Variants in PSMG4 observed in about 807,000 individuals in gnomAD.
The protein encoded by PSMG4 is proteasome assembly chaperone 4.
A neutral mutation model predicts 11.0 loss-of-function variants in PSMG4; 10 were observed. The ratio of observed to expected loss-of-function variants is 0.91; its 90% CI spans 0.56 to 1.54. PSMG4 has a LOEUF of 1.54. PSMG4 is among the 40% of genes most tolerant of loss of function. The pLI, the probability that PSMG4 is intolerant of heterozygous loss-of-function variation, is 0.00. For missense variants in PSMG4, 198 were observed against 160.9 expected, an observed-to-expected ratio of 1.23 and a Z score of -1.25; for synonymous variants, 95 against 71.3, an observed-to-expected ratio of 1.33 and a Z score of -1.68.
chr6:3,256,108 G>T (rs1004059255), upstream of PSMG4, among the ~76,000 whole-genome samples: 1 of 152,126 alleles, frequency 6.6e-6, no homozygotes, highest in Admixed American at 6.5e-5. Context: ...GCTCCTGAAG[G>T]GTGGCACAAA....
At chr6:3,266,051 G>A (rs1758169523) in intron 2 of PSMG4, 1 of 151,982 alleles carries the variant, frequency 6.6e-6, no homozygotes, top group African/African-American at 2.4e-5. Flanking sequence ...TGGCTGCTTT[G>A]TAAGGACAGT....
chr6:3,262,792 G>GT (rs1554129916), intron 1 of PSMG4, among the ~76,000 whole-genome samples: 4,940 of 141,802 alleles, frequency 0.035, 273 homozygotes, highest in African/African-American at 0.13. Context: ...ACCAATAAGT[G>GT]TTTTTTTTTT....
chr6:3,258,040 A>G (rs1055037311), upstream of PSMG4, among the ~76,000 whole-genome samples: 1 of 150,510 alleles, frequency 6.6e-6, no homozygotes, highest in African/African-American at 2.4e-5. Flanking sequence ...AAATCTCTAA[A>G]GTCAGTTGTA....
chr6:3,254,900 A>G (rs890563022), upstream of PSMG4: 7 of 834,928 alleles, frequency 8.4e-6, no homozygotes, highest in Middle Eastern at 6.4e-4. Flanking sequence ...TTGTAAGTGA[A>G]TGATCTCTGA....
intron 1 of PSMG4, among the ~76,000 whole-genome samples, chr6:3,262,081 G>C (rs879756684): frequency 4.6e-5 from 7 of 152,198 alleles, no homozygotes; most frequent in Admixed American, 4.6e-4. Context: ...TGCCCAGAGA[G>C]GCTGCAGGAC....
At chr6:3,254,810 C>T (rs1757690903), upstream of PSMG4, among the ~76,000 whole-genome samples, 1 of 152,140 alleles carries the variant, frequency 6.6e-6, no homozygotes, top group African/African-American at 2.4e-5. Flanking sequence ...AGCAACAAGA[C>T]ACCAATTCTG....
chr6:3,262,697 C>T (rs950066555), intron 1 of PSMG4, among the ~76,000 whole-genome samples: 1 of 152,144 alleles, frequency 6.6e-6, no homozygotes, highest in Non-Finnish European at 1.5e-5. Flanking sequence ...AAAACCTTGC[C>T]ACTTTCCAAG....
In PSMG4 at chr6:3,267,888, A is replaced by G. The variant is rs1427363003; in HGVS notation, c.*176A>G. 3.4e-6 allele frequency: 2 copies of G among 581,478 alleles called. No individual in the cohort carries two copies. The highest frequency in any genetic ancestry group is 3.1e-5 in the Admixed American group (1 of 31,838). 36.0% of individuals were successfully genotyped at this position (581,478 alleles called of 1,614,324 possible). On this transcript the variant is annotated 3_prime_UTR_variant, in exon 3 of 3. Transcript: ENST00000438998. ...AGGCTCATACTGACCCACCTGGTGA[A>G]GGAGAGGCAAAGTGGGCAGTATATA...
At position 3,259,457 on chromosome 6, in the gene PSMG4, C is replaced by G. The variant is rs566239541; in HGVS notation, c.174+261C>G. The stretch of plus-strand genomic sequence containing the variant: ...CACTGGTCTCTGTAGGTCAGAATGT[C>G]TTGGGTCTGTCCTCGCCACACGCTC... On this transcript the variant is annotated intron_variant, in intron 1 of 2. Transcript: ENST00000438998. Among the ~76,000 whole-genome samples the G allele has an allele frequency of 6.6e-5, 10 of 152,362 alleles. No homozygotes were observed. The South Asian group carries it at 8.3e-4, about 13-fold the overall frequency.
Position 3,267,925 on chromosome 6 carries a change from G to T in PSMG4, c.*213G>T. 1 of 441,030 alleles carries T rather than the reference G, an allele frequency of 2.3e-6. No homozygotes were observed. The highest frequency in any genetic ancestry group is 4.1e-6 in the Non-Finnish European group (1 of 241,776). The allele number at this position is 441,030 out of a possible 1,614,324, so 27.3% of individuals were successfully genotyped here. ...GTGGGCAGTATATACTTCCTCATTTGGCTGTGAGTGATAGAGGGATGAAAT... is the reference window on the plus strand; with the variant it reads ...GTGGGCAGTATATACTTCCTCATTTTGCTGTGAGTGATAGAGGGATGAAAT... On this transcript the variant is annotated 3_prime_UTR_variant, in exon 3 of 3. Coordinates refer to ENST00000438998, the MANE Select transcript of PSMG4 (RefSeq NM_001128591.2).
intron 2 of PSMG4, chr6:3,266,836 G>T (rs1758200320): frequency 6.8e-6 from 1 of 146,038 alleles, no homozygotes; most frequent in African/African-American, 2.6e-5. Context: ...TGCTGAAGGA[G>T]AACTTTAATA....
upstream of PSMG4, chr6:3,255,049 A>AT: frequency 3.2e-6 from 5 of 1,550,644 alleles, no homozygotes; most frequent in Non-Finnish European, 4.4e-6. Context: ...TTCTCTGGAC[A>AT]GGAACAAACA....
At chr6:3,261,799 C>T (rs1758001404) in intron 1 of PSMG4, among the ~76,000 whole-genome samples, 1 of 152,222 alleles carries the variant, frequency 6.6e-6, no homozygotes, top group African/African-American at 2.4e-5. Context: ...AGCCCTCCAT[C>T]TACCGTCCAT....
At chr6:3,260,291 A>ATATAT in intron 1 of PSMG4, among the ~76,000 whole-genome samples, 7 of 70,842 alleles carry the variant, frequency 9.9e-5, no homozygotes, top group African/African-American at 3.8e-4. Flanking sequence ...ATATATATAT[A>ATATAT]TTTTTTTTTT....
upstream of PSMG4, among the ~76,000 whole-genome samples, chr6:3,254,856 G>A (rs550396388): frequency 3.8e-4 from 58 of 152,218 alleles, no homozygotes; most frequent in Non-Finnish European, 7.2e-4. Flanking sequence ...TTTAACTCAG[G>A]GTGAACATGA....
Position 3,259,029 on chromosome 6 carries a change from G to C in PSMG4, c.7G>C (p.Gly3Arg), listed in dbSNP as rs1225739300. ...CCGGGAGCCGTGGGGCGGCATGGAG[G>C]GGCTGGTTGTCGCCGCCGGCGGGGA... ME[G>R]LVVAAGGDVS... Residue 3 changes from glycine (G) to arginine (R), a missense_variant, in exon 1 of 3, where the codon GGG (glycine) becomes CGG (arginine). Physicochemically the swap from Gly to Arg is moderately radical, Grantham distance 125 (BLOSUM62 -2). Coordinates refer to ENST00000438998, the MANE Select transcript of PSMG4 (RefSeq NM_001128591.2). 5.6e-6 allele frequency: 7 copies of C among 1,248,470 alleles called. No homozygotes were observed. The African/African-American group carries it at 9.3e-5, about 17-fold the overall frequency. The allele number at this position is 1,248,470 out of a possible 1,614,324, so 77.3% of individuals were successfully genotyped here.
chr6:3,257,905 T>C (rs1351744780), upstream of PSMG4, among the ~76,000 whole-genome samples: 1 of 152,240 alleles, frequency 6.6e-6, no homozygotes, highest in African/African-American at 2.4e-5. Context: ...ACCTGAAAAT[T>C]AACTGTATTA....
At chr6:3,254,694 G>A (rs190029112), upstream of PSMG4, among the ~76,000 whole-genome samples, 619 of 152,226 alleles carry the variant, frequency 4.1e-3, 2 homozygotes, top group African/African-American at 0.014. Flanking sequence ...TCAACAGAAA[G>A]AAGCTGTGGG....
At chr6:3,254,732 C>T (rs536398344), upstream of PSMG4, among the ~76,000 whole-genome samples, 3 of 152,260 alleles carry the variant, frequency 2.0e-5, no homozygotes, top group South Asian at 2.1e-4. Flanking sequence ...AAAAAACAAA[C>T]TCCCCCTGTG....
Sources: gnomAD v4.1 joint callset for allele counts (sites outside exome capture counted in the v4.1 genomes callset) on GRCh38, gnomAD v4.1.1 for gene constraint, MANE v1.5 for transcripts, NCBI Gene and HGNC (gene_info 2026-07-23, HGNC 2026-07-21) for gene names.